Variants in SLITRK4 observed in about 807,000 individuals in gnomAD.
SLITRK4 encodes SLIT and NTRK like family member 4.
SLITRK4 carries 7 observed loss-of-function variants against 34.7 expected under a neutral mutation model. The ratio of observed to expected loss-of-function variants is 0.20; its 90% CI spans 0.11 to 0.38. The LOEUF is 0.38. SLITRK4 is among the 10% of genes least tolerant of loss of function. The pLI is 1.00. For missense variants in SLITRK4, 474 were observed against 607.0 expected (o/e 0.78, Z 2.30); for synonymous variants, 237 against 246.2 (o/e 0.96, Z 0.35).
rs1930692515 is a variant in SLITRK4, at chrX:143,623,472, A to C, written c.*5123T>G. The C allele has an allele frequency of 9.1e-6, 1 of 110,435 alleles. No homozygotes were observed. The allele number at this position is 110,435 out of a possible 1,213,427, so 9.1% of individuals were successfully genotyped here. On this transcript the variant is annotated 3_prime_UTR_variant, in exon 2 of 2. Transcript: ENST00000356928. ...TTTTTAAAAATTAAAAAAAACCATC[A>C]TTTCCTATAAGATAAACAACACAAT...
In SLITRK4 at chrX:143,627,681, T is replaced by C. The variant is rs368189528; in HGVS notation, c.*914A>G. 3 of 111,368 alleles carry C rather than the reference T, an allele frequency of 2.7e-5. No individual in the cohort carries two copies. The highest frequency in any genetic ancestry group is 9.8e-5 in the African/African-American group (3 of 30,666). 9.2% of individuals were successfully genotyped at this position (111,368 alleles called of 1,213,427 possible). On this transcript the variant is annotated 3_prime_UTR_variant, in exon 2 of 2. Transcript: ENST00000356928. ...GGAGTACATATTTTCCTATTTAGTATACAAAGTACTTCATAAATATGAATT... is the reference window on the plus strand; with the variant it reads ...GGAGTACATATTTTCCTATTTAGTACACAAAGTACTTCATAAATATGAATT...
In SLITRK4 at chrX:143,628,164, G is replaced by A. The variant is rs1556425867; in HGVS notation, c.*431C>T. On this transcript the variant is annotated 3_prime_UTR_variant, in exon 2 of 2. Transcript: ENST00000356928. ...AATCTTTACACGGAGTTGTTACAATGCCACAAATCAAAAGGATTATTCCAG... is the reference window on the plus strand; with the variant it reads ...AATCTTTACACGGAGTTGTTACAATACCACAAATCAAAAGGATTATTCCAG... 2.3e-5 allele frequency: 2 copies of A among 86,020 alleles called. No individual in the cohort carries two copies. Among genetic ancestry groups the A allele is most frequent in the Non-Finnish European group, 4.0e-5 (2 of 50,375 alleles). 7.1% of individuals were successfully genotyped at this position (86,020 alleles called of 1,213,427 possible).
chrX:143,633,230 C>G (rs1469615930), intron 1 of SLITRK4, among the ~76,000 whole-genome samples: 1 of 109,426 alleles, frequency 9.1e-6, no homozygotes, highest in Non-Finnish European at 1.9e-5. Context: ...AGAAAGAGTC[C>G]AGTTGGTCCA....
chrX:143,626,308 A>T lies in SLITRK4; in HGVS notation c.*2287T>A. ...TTGTAGATGAAAAAAGCTGTTGGGCACACATCTTGTCTTTTCTTTCAAGAT... is the reference window on the plus strand; with the variant it reads ...TTGTAGATGAAAAAAGCTGTTGGGCTCACATCTTGTCTTTTCTTTCAAGAT... On this transcript the variant is annotated 3_prime_UTR_variant, in exon 2 of 2. Coordinates refer to ENST00000356928, the MANE Select transcript of SLITRK4 (RefSeq NM_001184749.3). The T allele has an allele frequency of 9.0e-6, 1 of 111,350 alleles. No individual in the cohort carries two copies. Among genetic ancestry groups the T allele is most frequent in the Non-Finnish European group, 1.9e-5 (1 of 52,809 alleles). The allele number at this position is 111,350 out of a possible 1,213,427, so 9.2% of individuals were successfully genotyped here.
chrX:143,633,260 G>A (rs1438294740), intron 1 of SLITRK4, among the ~76,000 whole-genome samples: 3 of 109,972 alleles, frequency 2.7e-5, no homozygotes, highest in Non-Finnish European at 5.7e-5. Context: ...GAGGAAAAGA[G>A]GTACTGAAAG....
rs781800026 is a variant in SLITRK4, at chrX:143,630,445, A to G, written c.664T>C (p.Leu222=). 6 of 1,210,021 alleles carry G rather than the reference A, an allele frequency of 5.0e-6. No individual in the cohort carries two copies. In the East Asian group the frequency reaches 1.2e-4, roughly 24 times the overall value. The change falls in exon 2 of 2, where the codon TTG becomes CTG. Residue 222 remains leucine (L), a synonymous_variant. Coordinates refer to ENST00000356928, the MANE Select transcript of SLITRK4 (RefSeq NM_001184749.3). ...TTCTCCAGCCAAGCTTTTAAGGGCAATAAATCACAGCTACAGTTCCAAGGG... is the reference window on the plus strand; with the variant it reads ...TTCTCCAGCCAAGCTTTTAAGGGCAGTAAATCACAGCTACAGTTCCAAGGG... ...DNPWNCSCDL[L]PLKAWLENMP...
At chrX:143,631,570 G>T (rs1428028914) in intron 1 of SLITRK4, among the ~76,000 whole-genome samples, 1 of 108,849 alleles carries the variant, frequency 9.2e-6, no homozygotes, top group Non-Finnish European at 1.9e-5. Flanking sequence ...TTTGATTAGT[G>T]GATATCTATT....
Position 143,628,631 on chromosome X carries a change from C to T in SLITRK4, c.2478G>A (p.Gln826=), listed in dbSNP as rs782115071. The change falls in exon 2 of 2, where the codon CAG becomes CAA. Residue 826 remains glutamine (Q), a synonymous_variant. Transcript: ENST00000356928. ...TCAAAGCTGTTTGCTCCTCAAGGAC[C>T]TGTAGGTAGTCAGGGGAACTCTGCA... ...AKLQSSPDYL[Q]VLEEQTALNK... The T allele has an allele frequency of 1.1e-5, 13 of 1,205,880 alleles. No homozygotes were observed. The South Asian group carries it at 2.3e-4, about 22-fold the overall frequency.
rs1046122718 is a variant in SLITRK4 at position 143,628,160 on chromosome X, C to T, written c.*435G>A. The T allele has an allele frequency of 1.2e-5, 1 of 84,282 alleles. No homozygotes were observed. Among genetic ancestry groups the T allele is most frequent in the Non-Finnish European group, 2.1e-5 (1 of 48,686 alleles). The allele number at this position is 84,282 out of a possible 1,213,427, so 6.9% of individuals were successfully genotyped here. ...AGATAATCTTTACACGGAGTTGTTA[C>T]AATGCCACAAATCAAAAGGATTATT... On this transcript the variant is annotated 3_prime_UTR_variant, in exon 2 of 2. Coordinates refer to ENST00000356928, the MANE Select transcript of SLITRK4 (RefSeq NM_001184749.3).
At position 143,629,913 on chromosome X, in the gene SLITRK4, T is replaced by A. The variant is rs782537663; in HGVS notation, c.1196A>T (p.Asp399Val). The A allele has an allele frequency of 3.0e-5, 36 of 1,209,974 alleles. No homozygotes were observed. Among genetic ancestry groups the A allele is most frequent in the Middle Eastern group, 2.3e-4 (1 of 4,374 alleles). ...ATGAAGCAAATCCAGTCCTTCAAAG[T>A]CAGTGAAGTCTGATACGTCCACATC... is the stretch of plus-strand genomic sequence containing the variant. ...IKDVDVSDFTDFEGLDLLHLG... is the reference protein window; with the variant it reads ...IKDVDVSDFTVFEGLDLLHLG... Residue 399 changes from aspartate (D) to valine (V), a missense_variant, in exon 2 of 2, where the codon GAC (aspartate) becomes GTC (valine). By Grantham distance (152) the Asp-to-Val change is radical. This residue lies in a region of SLITRK4 where 345 missense variants were observed against 406.5 expected (regional missense o/e 0.85). Coordinates refer to ENST00000356928, the MANE Select transcript of SLITRK4 (RefSeq NM_001184749.3).
chrX:143,630,499 G>A lies in SLITRK4; in HGVS notation c.610C>T (p.Arg204Cys), dbSNP rs371255197. 4 of 1,209,586 alleles carry A rather than the reference G, an allele frequency of 3.3e-6. No homozygotes were observed. The highest frequency in any genetic ancestry group is 1.8e-5 in the African/African-American group (1 of 56,980). Residue 204 changes from arginine (R) to cysteine (C), a missense_variant, in exon 2 of 2, where the codon CGT becomes TGT. Arg to Cys is a radical substitution (Grantham distance 180). Coordinates refer to ENST00000356928, the MANE Select transcript of SLITRK4 (RefSeq NM_001184749.3). ...TCTTCCAGTTGCAATTCAACGACACGGCCAATGTGTTCCAGAACCCCGATA... is the reference window on the plus strand; with the variant it reads ...TCTTCCAGTTGCAATTCAACGACACAGCCAATGTGTTCCAGAACCCCGATA... The part of the protein sequence containing the change: ...PYIGVLEHIG[R>C]VVELQLEDNP...
rs1569478042 is a variant in SLITRK4 at position 143,629,983 on chromosome X, G to T, written c.1126C>A (p.Pro376Thr). The change falls in exon 2 of 2, where the codon CCT becomes ACT. Residue 376 changes from proline (P) to threonine (T), a missense_variant. Transcript: ENST00000356928. The part of the protein sequence containing the change: ...IQSMSELIPK[P>T]LNAKKLHVNG... ...ACGTGCAGCTTCTTCGCATTTAAAG[G>T]TTTCGGTATCAGTTCAGACATAGAC... 3.3e-6 allele frequency: 4 copies of T among 1,211,812 alleles called. No homozygotes were observed. The highest frequency in any genetic ancestry group is 3.3e-6 in the Non-Finnish European group (3 of 895,595).
chrX:143,634,432 G>A (rs1703752012), intron 1 of SLITRK4: 1 of 111,188 alleles, frequency 9.0e-6, no homozygotes, highest in Admixed American at 9.5e-5. Flanking sequence ...GAAAGTGGCT[G>A]CGAGTGGGGT....
Position 143,628,091 on chromosome X carries a change from CTTTTTTTTTTTTT to C in SLITRK4, c.*491_*503del, listed in dbSNP as rs782497461. On this transcript the variant is annotated 3_prime_UTR_variant, in exon 2 of 2. Transcript: ENST00000356928. ...CTATCGAGTGTTCTCTCTTTGCATG[CTTTTTTTTTTTTT>C]TTTTTTTTTTTTTTTTTTTTTTTAC... The C allele has an allele frequency of 1.1e-3, 78 of 73,075 alleles. No homozygotes were observed. The highest frequency in any genetic ancestry group is 2.8e-3 in the African/African-American group (13 of 4,614). 6.0% of individuals were successfully genotyped at this position (73,075 alleles called of 1,213,427 possible). A position where few individuals can be genotyped will look rare whatever the true frequency, so the allele number is the denominator to read the frequency against.
rs141318020 is a variant in SLITRK4 at position 143,629,657 on chromosome X, G to C, written c.1452C>G (p.Leu484=). 1.6e-5 allele frequency: 19 copies of C among 1,209,742 alleles called. No homozygotes were observed. The African/African-American group carries it at 3.3e-4, about 21-fold the overall frequency. ...AGATGTAAACAGGCAGGCTCTTTAG[G>C]AGATTATTGTTTAAGTACAGTAACT... ...NLQLLYLNNN[L]LKSLPVYIFS... The change falls in exon 2 of 2, where the codon CTC becomes CTG. Residue 484 remains leucine (L), a synonymous_variant. Coordinates refer to ENST00000356928, the MANE Select transcript of SLITRK4 (RefSeq NM_001184749.3).
chrX:143,626,086 C>T lies in SLITRK4; in HGVS notation c.*2509G>A, dbSNP rs1426907567. On this transcript the variant is annotated 3_prime_UTR_variant, in exon 2 of 2. Transcript: ENST00000356928. ...TATCATTCAAATGACCTATTATCCC[C>T]AGACCATGAATGGAACTTTCTGATT... The T allele has an allele frequency of 9.0e-6, 1 of 111,275 alleles. No homozygotes were observed. Among genetic ancestry groups the T allele is most frequent in the African/African-American group, 3.3e-5 (1 of 30,615 alleles). 9.2% of individuals were successfully genotyped at this position (111,275 alleles called of 1,213,427 possible). A position where few individuals can be genotyped will look rare whatever the true frequency, so the allele number is the denominator to read the frequency against.
rs782581068 is a variant in SLITRK4 at position 143,628,706 on chromosome X, T to G, written c.2403A>C (p.Lys801Asn). The G allele has an allele frequency of 8.3e-7, 1 of 1,211,609 alleles. No homozygotes were observed. The change falls in exon 2 of 2, where the codon AAA becomes AAC. Residue 801 changes from lysine (K) to asparagine (N), a missense_variant. Lys to Asn is a moderately conservative substitution (Grantham distance 94). Transcript: ENST00000356928. ...KKSLIGGNHS[K>N]IVVEQRKSEY... ...CACTCTTCCTTTGTTCCACAACAAT[T>G]TTACTGTGGTTGCCACCTATCAGTG...
rs1930761965 is a variant in SLITRK4, at chrX:143,625,671, C to T, written c.*2924G>A. 9.0e-6 allele frequency: 1 copy of T among 111,355 alleles called. No individual in the cohort carries two copies. The highest frequency in any genetic ancestry group is 3.7e-4 in the South Asian group (1 of 2,713). The allele number at this position is 111,355 out of a possible 1,213,427, so 9.2% of individuals were successfully genotyped here. A position where few individuals can be genotyped will look rare whatever the true frequency, so the allele number is the denominator to read the frequency against. On this transcript the variant is annotated 3_prime_UTR_variant, in exon 2 of 2. Transcript: ENST00000356928. ...ACATCAAGGTTATAGTTGAAGCCAA[C>T]AAAATGTAGATACAGTATTTTAACT...
At chrX:143,631,842 T>A in intron 1 of SLITRK4, among the ~76,000 whole-genome samples, 1 of 111,461 alleles carries the variant, frequency 9.0e-6, no homozygotes, top group East Asian at 2.8e-4. Context: ...GAAAAACAAC[T>A]GAGTAAGGGA....
Sources: allele counts gnomAD v4.1 joint callset (sites outside exome capture counted in the v4.1 genomes callset), GRCh38; gene constraint gnomAD v4.1.1; regional missense constraint gnomAD v4.1.1; transcripts MANE v1.5; gene names NCBI Gene and HGNC (gene_info 2026-07-23, HGNC 2026-07-21).